The following ANO5 variants were observed in gnomAD, a reference collection of about 807,000 sequenced individuals.
ANO5 encodes anoctamin 5, also known as anoctamin-5.
ANO5 carries 109 observed loss-of-function variants against 121.0 expected under a neutral mutation model. The observed-to-expected ratio is 0.90, with a 90% CI of 0.77 to 1.06. The LOEUF (loss-of-function observed/expected upper bound fraction) is 1.06, where lower values mean the gene tolerates loss of function less well. Among genes scored for constraint, ANO5 ranks in the 50% least tolerant of loss-of-function variants. The pLI, the probability that ANO5 is intolerant of heterozygous loss-of-function variation, is 0.00. For missense variants in ANO5, 1,064 were observed against 1,078.5 expected (o/e 0.99, Z 0.19); for synonymous variants, 406 against 359.9 (o/e 1.13, Z -1.45).
Position 22,273,667 on chromosome 11 carries a change from TAA to T in ANO5, c.2235+683_2235+684del, listed in dbSNP as rs565420966. Among the ~76,000 whole-genome samples the T allele has an allele frequency of 3.0e-3, 456 of 151,688 alleles. 2 individuals are homozygous for T. The highest frequency in any genetic ancestry group is 5.5e-3 in the Non-Finnish European group (375 of 67,914). On this transcript the variant is annotated intron_variant, in intron 19 of 21. Transcript: ENST00000324559. ...AAATTGTAAATCAAATTGATAGTAG[TAA>T]AAAAGAATAAAGATGTAATCAGAAA... is the stretch of plus-strand genomic sequence containing the variant.
intron 14 of ANO5, among the ~76,000 whole-genome samples, chr11:22,258,238 T>C (rs986813164): frequency 6.6e-6 from 1 of 152,208 alleles, no homozygotes; most frequent in African/African-American, 2.4e-5. Flanking sequence ...TAATTGACAG[T>C]TGTAGACTAT....
At position 22,280,789 on chromosome 11, in the gene ANO5, A is replaced by G. The variant is rs1010897324; in HGVS notation, c.*1024A>G. ...TTCTATTGATGTATCATCTTATACA[A>G]TGCTCAGTGCCTTGTTCCAATACCT... On this transcript the variant is annotated 3_prime_UTR_variant, in exon 22 of 22. Coordinates refer to ENST00000324559, the MANE Select transcript of ANO5 (RefSeq NM_213599.3). The G allele has an allele frequency of 3.3e-5, 5 of 152,010 alleles. No individual in the cohort carries two copies. Among genetic ancestry groups the G allele is most frequent in the South Asian group, 2.1e-4 (1 of 4,836 alleles). 9.4% of individuals were successfully genotyped at this position (152,010 alleles called of 1,614,324 possible).
intron 19 of ANO5, among the ~76,000 whole-genome samples, chr11:22,273,775 ACT>A (rs1384861695): frequency 1.3e-5 from 2 of 152,058 alleles, no homozygotes; most frequent in African/African-American, 4.8e-5. Context: ...AGTAAGTAAA[ACT>A]CTGAAAAAAA....
chr11:22,236,244 A>G lies in ANO5; in HGVS notation c.730A>G (p.Asn244Asp). The G allele has an allele frequency of 1.2e-6, 2 of 1,613,144 alleles. No individual in the cohort carries two copies. Among genetic ancestry groups the G allele is most frequent in the Non-Finnish European group, 1.7e-6 (2 of 1,179,372 alleles). The change falls in exon 8 of 22, where the codon AAC becomes GAC. Residue 244 changes from asparagine to aspartate, a missense_variant. Physicochemically the swap from Asn to Asp is conservative, Grantham distance 23. Transcript: ENST00000324559. ...TGGGATTGAAAGACTGCTAAACTCT[A>G]ACACTTACTCATCTGCCTATCCACT... is the stretch of plus-strand genomic sequence containing the variant. ...RFGIERLLNS[N>D]TYSSAYPLHD...
At position 22,193,536 on chromosome 11, in the gene ANO5, G is replaced by T. The variant is rs768020172; in HGVS notation, c.40+4G>T. ...CTGGAAGTGTTGGCGGAGGAAGGTAGGACCGCGCCAAGAGGCGTCAAGGGA... is the reference window on the plus strand; with the variant it reads ...CTGGAAGTGTTGGCGGAGGAAGGTATGACCGCGCCAAGAGGCGTCAAGGGA... On this transcript the variant is annotated splice_donor_region_variant and intron_variant, in intron 1 of 21. Transcript: ENST00000324559. 2 of 1,612,382 alleles carry T rather than the reference G, an allele frequency of 1.2e-6. No individual in the cohort carries two copies. Among genetic ancestry groups the T allele is most frequent in the Admixed American group, 3.3e-5 (2 of 59,880 alleles).
intron 9 of ANO5, among the ~76,000 whole-genome samples, chr11:22,247,787 G>C (rs779020674): frequency 6.6e-6 from 1 of 152,062 alleles, no homozygotes; most frequent in African/African-American, 2.4e-5. Context: ...TGCTAAGATT[G>C]AGAAAAATGG....
chr11:22,239,294 T>G (rs1014594663), intron 8 of ANO5, among the ~76,000 whole-genome samples: 2 of 152,082 alleles, frequency 1.3e-5, no homozygotes, highest in African/African-American at 4.8e-5. Flanking sequence ...ATATTAGGAT[T>G]TGAGTAGAGA....
At chr11:22,192,909 G>A, upstream of ANO5, 4 of 911,134 alleles carry the variant, frequency 4.4e-6, no homozygotes, top group Middle Eastern at 5.5e-4. Context: ...CAGGGACCTG[G>A]GGACGGCTTG....
At chr11:22,193,609 C>G in intron 1 of ANO5, 77 bp downstream of exon 1, 2 of 1,545,330 alleles carry the variant, frequency 1.3e-6, no homozygotes, top group South Asian at 2.3e-5. Context: ...GCAGAGGCCC[C>G]GGGGGACGTT....
intron 5 of ANO5, among the ~76,000 whole-genome samples, chr11:22,222,192 C>T (rs1176691961): frequency 6.6e-6 from 1 of 151,886 alleles, no homozygotes; most frequent in Admixed American, 6.6e-5. Flanking sequence ...CCTGAAATTC[C>T]TGAGATTTAA....
chr11:22,246,856 C>CAAAAAAAAAAAAAAAAA (rs10565920), intron 9 of ANO5, among the ~76,000 whole-genome samples: 1 of 62,204 alleles, frequency 1.6e-5, no homozygotes, highest in Non-Finnish European at 3.5e-5. Context: ...GACCCTGTTT[C>CAAAAAAAAAAAAAAAAA]AAAAAAAAAA....
At chr11:22,278,530 C>CA (rs1347259364) in intron 21 of ANO5, among the ~76,000 whole-genome samples, 1 of 134,726 alleles carries the variant, frequency 7.4e-6, no homozygotes, top group Non-Finnish European at 1.6e-5. Flanking sequence ...GGTTCTTTTC[C>CA]TTTTTTTTTT....
At chr11:22,208,084 C>A (rs1376995811) in intron 2 of ANO5, among the ~76,000 whole-genome samples, 1 of 151,988 alleles carries the variant, frequency 6.6e-6, no homozygotes, top group Non-Finnish European at 1.5e-5. Flanking sequence ...CTGGGGGAAA[C>A]ATAAAATGAT....
rs1854772341 is a variant in ANO5, at chr11:22,274,803, TAA to T, written c.2414+57_2414+58del. 3 of 1,571,906 alleles carry T rather than the reference TAA, an allele frequency of 1.9e-6. No individual in the cohort carries two copies. The African/African-American group carries it at 4.0e-5, about 21-fold the overall frequency. ...AGTTTTATCCCTTAAGCGTATTTCT[TAA>T]GTTATCTATTACCTTTCTGTCTTAC... is the stretch of plus-strand genomic sequence containing the variant. On this transcript the variant is annotated intron_variant, in intron 20 of 21. Coordinates refer to ENST00000324559, the MANE Select transcript of ANO5 (RefSeq NM_213599.3).
intron 9 of ANO5, among the ~76,000 whole-genome samples, chr11:22,246,856 C>CAAAAAAAAAAAAAAAAAAAAAAAA (rs10565920): frequency 1.6e-5 from 1 of 62,212 alleles, no homozygotes; most frequent in African/African-American, 4.7e-5. Context: ...GACCCTGTTT[C>CAAAAAAAAAAAAAAAAAAAAAAAA]AAAAAAAAAA....
rs1195080410 is a variant in ANO5, at chr11:22,280,219, A to T, written c.*454A>T. The T allele has an allele frequency of 1.2e-5, 2 of 162,588 alleles. No individual in the cohort carries two copies. The highest frequency in any genetic ancestry group is 4.8e-5 in the African/African-American group (2 of 41,588). The allele number at this position is 162,588 out of a possible 1,614,324, so 10.1% of individuals were successfully genotyped here. A position where few individuals can be genotyped will look rare whatever the true frequency, so the allele number is the denominator to read the frequency against. On this transcript the variant is annotated 3_prime_UTR_variant, in exon 22 of 22. Transcript: ENST00000324559. The stretch of plus-strand genomic sequence containing the variant: ...ATCAAAGAGACTGACTGAGCCCTAT[A>T]TATCCTATCATTTTAAAATATGCAA...
chr11:22,241,197 G>A (rs143494164), intron 9 of ANO5, among the ~76,000 whole-genome samples: 1,019 of 16,222 alleles, frequency 0.063, 10 homozygotes, highest in South Asian at 0.081. Context: ...CTCCTCTAGT[G>A]TATATCGTAG....
rs771457505 is a variant in ANO5 at position 22,250,804 on chromosome 11, G to T, written c.1077G>T (p.Val359=). ...QMIMCPLCDQ[V]CDYWRLNSTC... ...TCATGTGCCCACTCTGTGATCAAGTGTGTGATTATTGGAGACTAAATAGTA... is the reference window on the plus strand; with the variant it reads ...TCATGTGCCCACTCTGTGATCAAGTTTGTGATTATTGGAGACTAAATAGTA... Residue 359 remains valine (V), a synonymous_variant, in exon 11 of 22, where the codon GTG becomes GTT. Transcript: ENST00000324559. 5 of 1,613,960 alleles carry T rather than the reference G, an allele frequency of 3.1e-6. No homozygotes were observed. The highest frequency in any genetic ancestry group is 3.4e-6 in the Non-Finnish European group (4 of 1,179,958).
chr11:22,224,843 A>G (rs1029327863), intron 5 of ANO5, among the ~76,000 whole-genome samples: 5 of 152,090 alleles, frequency 3.3e-5, no homozygotes. Flanking sequence ...ATGAAATACT[A>G]TCATTTGCAG....
Sources: allele counts gnomAD v4.1 joint callset (sites outside exome capture counted in the v4.1 genomes callset), GRCh38; gene constraint gnomAD v4.1.1; transcripts MANE v1.5; gene names NCBI Gene and HGNC (gene_info 2026-07-23, HGNC 2026-07-21).